The following MACROD2 variants were observed in gnomAD, a reference collection of about 807,000 sequenced individuals.
MACROD2 encodes ADP-ribose glycohydrolase MACROD2.
Under a neutral mutation model 70.4 loss-of-function variants are expected in MACROD2, and 36 were observed. The observed-to-expected ratio is 0.51, with a 90% CI of 0.39 to 0.68. The LOEUF (loss-of-function observed/expected upper bound fraction) is 0.68, where lower values mean the gene tolerates loss of function less well. Among genes scored for constraint, MACROD2 ranks in the 30% least tolerant of loss-of-function variants. MACROD2 has a pLI of 0.00. For synonymous variants in MACROD2, 172 were observed against 178.8 expected (o/e 0.96, Z 0.30); for missense variants, 496 against 538.4 (o/e 0.92, Z 0.78).
intron 8 of MACROD2, among the ~76,000 whole-genome samples, chr20:15,636,854 C>T (rs1335821164): frequency 1.3e-5 from 2 of 151,996 alleles, no homozygotes; most frequent in Non-Finnish European, 2.9e-5. Flanking sequence ...AGGGGATGAG[C>T]TGTCACATGG....
chr20:15,389,974 G>A (rs2045770436), intron 6 of MACROD2, among the ~76,000 whole-genome samples: 1 of 152,194 alleles, frequency 6.6e-6, no homozygotes, highest in South Asian at 2.1e-4. Flanking sequence ...GAGGTTCTGT[G>A]TGGGAAATGG....
intron 5 of MACROD2, among the ~76,000 whole-genome samples, chr20:14,711,898 G>T (rs529263355): frequency 6.6e-6 from 1 of 152,110 alleles, no homozygotes; most frequent in African/African-American, 2.4e-5. Flanking sequence ...AATAGGAATC[G>T]CCTTAGAGCT....
At chr20:15,345,151 C>A (rs755869614) in intron 6 of MACROD2, among the ~76,000 whole-genome samples, 8 of 152,162 alleles carry the variant, frequency 5.3e-5, no homozygotes, top group Non-Finnish European at 1.2e-4. Context: ...ATCTTGATTA[C>A]CGCCGAAAGG....
intron 17 of MACROD2, among the ~76,000 whole-genome samples, chr20:16,047,919 A>G (rs1321283899): frequency 6.6e-6 from 1 of 152,202 alleles, no homozygotes; most frequent in African/African-American, 2.4e-5. Flanking sequence ...AGCTCAAGAA[A>G]TTAATAGAAA....
At chr20:14,620,858 A>C (rs928366003) in intron 4 of MACROD2, among the ~76,000 whole-genome samples, 3 of 152,092 alleles carry the variant, frequency 2.0e-5, no homozygotes, top group African/African-American at 7.2e-5. Context: ...ATACTTAGAT[A>C]TTTTAAAGGG....
intron 10 of MACROD2, among the ~76,000 whole-genome samples, chr20:15,922,640 C>G (rs2065427623): frequency 6.6e-6 from 1 of 152,224 alleles, no homozygotes; most frequent in Non-Finnish European, 1.5e-5. Flanking sequence ...AGTGCCTCCC[C>G]TGAGCAAATT....
intron 5 of MACROD2, among the ~76,000 whole-genome samples, chr20:15,215,581 ATATATT>A (rs1171887029): frequency 6.6e-6 from 1 of 152,030 alleles, no homozygotes; most frequent in East Asian, 1.9e-4. Context: ...GTATAAAACT[ATATATT>A]TATATAAGTT....
chr20:14,688,805 T>G (rs2071031236), intron 5 of MACROD2, among the ~76,000 whole-genome samples: 1 of 152,206 alleles, frequency 6.6e-6, no homozygotes, highest in African/African-American at 2.4e-5. Flanking sequence ...CCAATGTCAG[T>G]ATCAATCATA....
chr20:15,035,513 T>C (rs1423572116), intron 5 of MACROD2, among the ~76,000 whole-genome samples: 1 of 152,176 alleles, frequency 6.6e-6, no homozygotes, highest in African/African-American at 2.4e-5. Flanking sequence ...TAAGTGAAAT[T>C]TGATCTTATC....
At chr20:15,743,717 C>A (rs1444203222) in intron 8 of MACROD2, among the ~76,000 whole-genome samples, 3 of 152,178 alleles carry the variant, frequency 2.0e-5, no homozygotes, top group Non-Finnish European at 2.9e-5. Context: ...ATCTAATCCA[C>A]ACTTCACAGT....
At chr20:14,367,476 C>T (rs929165728) in intron 3 of MACROD2, among the ~76,000 whole-genome samples, 1 of 152,082 alleles carries the variant, frequency 6.6e-6, no homozygotes, top group African/African-American at 2.4e-5. Flanking sequence ...TGAATAGCTC[C>T]TTTGCTTTTT....
chr20:15,229,978 A>G lies in MACROD2; in HGVS notation c.457A>G (p.Ile153Val), dbSNP rs189533691. 9.0e-5 allele frequency: 145 copies of G among 1,613,858 alleles called. No homozygotes were observed. In the East Asian group the frequency reaches 1.8e-3, roughly 20 times the overall value. The stretch of plus-strand genomic sequence containing the variant: ...TGTAGGGCCAATAGCCAGGGGCCAT[A>G]TTAATGGTTCCCACAAGGAAGACCT... The part of the protein sequence containing the change: ...HTVGPIARGH[I>V]NGSHKEDLAN... Residue 153 changes from isoleucine to valine, a missense_variant, in exon 6 of 18, where the codon ATT becomes GTT. Coordinates refer to ENST00000684519, the MANE Select transcript of MACROD2 (RefSeq NM_001351661.2).
intron 4 of MACROD2, among the ~76,000 whole-genome samples, chr20:14,606,359 T>G (rs1982799081): frequency 1.3e-5 from 2 of 152,130 alleles, no homozygotes; most frequent in Non-Finnish European, 1.5e-5. Context: ...CCTCATAGGA[T>G]TTTTGGGAAT....
chr20:15,595,196 A>G (rs2048730283), intron 8 of MACROD2, among the ~76,000 whole-genome samples: 2 of 152,242 alleles, frequency 1.3e-5, no homozygotes, highest in Non-Finnish European at 2.9e-5. Context: ...CTGGAGGTCC[A>G]CTGCACAACA....
At chr20:14,761,639 T>G (rs1401723885) in intron 5 of MACROD2, among the ~76,000 whole-genome samples, 1 of 152,188 alleles carries the variant, frequency 6.6e-6, no homozygotes, top group East Asian at 1.9e-4. Flanking sequence ...ACACTGGTTC[T>G]GTGTTCCAGC....
intron 5 of MACROD2, among the ~76,000 whole-genome samples, chr20:15,044,866 G>A (rs930145388): frequency 2.0e-5 from 3 of 152,046 alleles, no homozygotes; most frequent in African/African-American, 4.8e-5. Flanking sequence ...CAGATAAAAC[G>A]TTATGTGCAG....
At chr20:16,045,316 C>T (rs1214761983) in intron 17 of MACROD2, among the ~76,000 whole-genome samples, 1 of 152,108 alleles carries the variant, frequency 6.6e-6, no homozygotes, top group African/African-American at 2.4e-5. Context: ...TCAGTAGAGA[C>T]TAAAATATAT....
chr20:15,995,164 TAAGA>T (rs2066610537), intron 15 of MACROD2, among the ~76,000 whole-genome samples: 1 of 152,090 alleles, frequency 6.6e-6, no homozygotes, highest in African/African-American at 2.4e-5. Context: ...ATTGTATAAC[TAAGA>T]AAGTCATAAA....
At chr20:14,052,541 A>G (rs1160576395) in intron 2 of MACROD2, among the ~76,000 whole-genome samples, 1 of 152,154 alleles carries the variant, frequency 6.6e-6, no homozygotes, top group Non-Finnish European at 1.5e-5. Context: ...GATGTTAACA[A>G]TGCTGTGCGT....
Sources: gnomAD v4.1 joint callset for allele counts (sites outside exome capture counted in the v4.1 genomes callset) on GRCh38, gnomAD v4.1.1 for gene constraint, MANE v1.5 for transcripts, NCBI Gene and HGNC (gene_info 2026-07-23, HGNC 2026-07-21) for gene names.